The following PCDH9 variants were observed in gnomAD, a reference collection of about 807,000 sequenced individuals.
PCDH9 encodes the protein protocadherin 9.
A neutral mutation model predicts 70.6 loss-of-function variants in PCDH9; 24 were observed. The ratio of observed to expected loss-of-function variants is 0.34; its 90% confidence interval spans 0.25 to 0.48. The LOEUF is 0.48. Among genes scored for constraint, PCDH9 ranks in the 20% least tolerant of loss-of-function variants. PCDH9 has a pLI of 0.99. For missense variants in PCDH9, 1,281 were observed against 1,503.6 expected (o/e 0.85, Z 2.45); for synonymous variants, 562 against 558.5 (o/e 1.01, Z -0.09).
chr13:66,660,514 T>A (rs1208423049), intron 3 of PCDH9, among the ~76,000 whole-genome samples: 1 of 152,224 alleles, frequency 6.6e-6, no homozygotes, highest in Non-Finnish European at 1.5e-5. Flanking sequence ...ATGTTAATAA[T>A]CTTATTAAAA....
intron 2 of PCDH9, chr13:67,202,770 T>G (rs1225334856): frequency 1.3e-5 from 2 of 152,134 alleles, no homozygotes; most frequent in Non-Finnish European, 1.5e-5. Context: ...TCAGAGCTAT[T>G]CACATTCAAT....
chr13:67,229,127 C>A (rs1187373894), intron 1 of PCDH9, among the ~76,000 whole-genome samples: 1 of 151,886 alleles, frequency 6.6e-6, no homozygotes, highest in Non-Finnish European at 1.5e-5. Flanking sequence ...GCCGCTGCAG[C>A]GGCATCAGAA....
chr13:66,477,720 C>G (rs1423170049), intron 4 of PCDH9, among the ~76,000 whole-genome samples: 2 of 152,186 alleles, frequency 1.3e-5, no homozygotes, highest in East Asian at 3.9e-4. Flanking sequence ...TTATTGTTAT[C>G]AATATAAATC....
intron 4 of PCDH9, among the ~76,000 whole-genome samples, chr13:66,463,142 G>A (rs1958455049): frequency 6.6e-6 from 1 of 151,736 alleles, no homozygotes. Flanking sequence ...TACTTTGTAA[G>A]GAAGAGAACT....
intron 2 of PCDH9, among the ~76,000 whole-genome samples, chr13:67,128,202 A>C (rs2087026063): frequency 6.6e-6 from 1 of 152,196 alleles, no homozygotes; most frequent in Non-Finnish European, 1.5e-5. Flanking sequence ...GATCATCATC[A>C]TAAGGGCATG....
intron 3 of PCDH9, among the ~76,000 whole-genome samples, chr13:66,776,933 T>C (rs2079904785): frequency 6.9e-6 from 1 of 145,660 alleles, no homozygotes; most frequent in African/African-American, 2.5e-5. Context: ...AAAACAGAGA[T>C]AGAGATCAAT....
chr13:67,002,756 C>T (rs889258919), intron 2 of PCDH9, among the ~76,000 whole-genome samples: 2 of 151,992 alleles, frequency 1.3e-5, no homozygotes, highest in Non-Finnish European at 2.9e-5. Flanking sequence ...TCCAACTCTA[C>T]TTTTAATTAA....
intron 1 of PCDH9, 138 bp from the exon 2 acceptor site, chr13:67,228,713 G>A: frequency 3.1e-6 from 1 of 327,324 alleles, no homozygotes; most frequent in Non-Finnish European, 5.5e-6. Context: ...TTTACTCTGT[G>A]GAGAAAAACA....
chr13:67,089,236 T>C (rs1287672353), intron 2 of PCDH9, among the ~76,000 whole-genome samples: 2 of 152,048 alleles, frequency 1.3e-5, no homozygotes, highest in Non-Finnish European at 2.9e-5. Flanking sequence ...ACATTTTCAC[T>C]TTTATTATAT....
chr13:66,853,365 T>G (rs1323326133), intron 3 of PCDH9, among the ~76,000 whole-genome samples: 1 of 152,130 alleles, frequency 6.6e-6, no homozygotes, highest in Non-Finnish European at 1.5e-5. Flanking sequence ...TCTCAGTGTT[T>G]CCTTCTTTTC....
At chr13:66,978,705 TATA>T (rs1445586762) in intron 2 of PCDH9, among the ~76,000 whole-genome samples, 1 of 149,590 alleles carries the variant, frequency 6.7e-6, no homozygotes, top group Non-Finnish European at 1.5e-5. Context: ...TATATAATTG[TATA>T]ATATGTTGTT....
At chr13:67,029,189 C>G (rs1027121533) in intron 2 of PCDH9, among the ~76,000 whole-genome samples, 1 of 151,858 alleles carries the variant, frequency 6.6e-6, no homozygotes, top group Non-Finnish European at 1.5e-5. Flanking sequence ...TTTCTCATCA[C>G]AAAGAAAGAG....
chr13:66,898,171 T>C (rs2082214266), intron 3 of PCDH9, among the ~76,000 whole-genome samples: 1 of 152,108 alleles, frequency 6.6e-6, no homozygotes, highest in Non-Finnish European at 1.5e-5. Context: ...CTTATCATTT[T>C]TCTTAATTTA....
intron 2 of PCDH9, among the ~76,000 whole-genome samples, chr13:67,095,012 C>T (rs2086291949): frequency 6.6e-6 from 1 of 152,074 alleles, no homozygotes; most frequent in African/African-American, 2.4e-5. Flanking sequence ...AACTGTGAAA[C>T]ATTTGGCTCT....
rs1398056936 is a variant in PCDH9, at chr13:66,539,086, T to C, written c.3340+92124A>G. 7.9e-5 allele frequency among the ~76,000 whole-genome samples: 12 copies of C among 152,056 alleles called. 1 individual carries two copies. The highest frequency in any genetic ancestry group is 7.9e-4 in the Admixed American group (12 of 15,250). Reference sequence around the variant, plus strand: ...GTACAACAAAATATATGTACATATATATTTATATATTGCAATATTTACCTG... The same window carrying C: ...GTACAACAAAATATATGTACATATACATTTATATATTGCAATATTTACCTG... On this transcript the variant is annotated intron_variant, in intron 4 of 4. Transcript: ENST00000377865.
chr13:66,866,838 G>A (rs912604362), intron 3 of PCDH9, among the ~76,000 whole-genome samples: 1 of 152,090 alleles, frequency 6.6e-6, no homozygotes, highest in African/African-American at 2.4e-5. Context: ...TTGCTCACAT[G>A]TATGTGGATA....
chr13:67,117,698 A>C (rs993632066), intron 2 of PCDH9, among the ~76,000 whole-genome samples: 6 of 152,164 alleles, frequency 3.9e-5, no homozygotes, highest in Non-Finnish European at 7.4e-5. Context: ...ATCTGAGGTA[A>C]TAATATAAAT....
At chr13:66,784,161 C>T (rs2080043024) in intron 3 of PCDH9, among the ~76,000 whole-genome samples, 1 of 152,066 alleles carries the variant, frequency 6.6e-6, no homozygotes, top group Non-Finnish European at 1.5e-5. Flanking sequence ...ACAAATAGTA[C>T]TATAATGTTT....
intron 4 of PCDH9, among the ~76,000 whole-genome samples, chr13:66,520,233 A>G (rs1195065262): frequency 6.6e-6 from 1 of 152,182 alleles, no homozygotes. Flanking sequence ...GTCAGTGTCA[A>G]CAGACTTTCC....
Sources: allele counts gnomAD v4.1 joint callset (sites outside exome capture counted in the v4.1 genomes callset), GRCh38; gene constraint gnomAD v4.1.1; transcripts MANE v1.5; gene names NCBI Gene and HGNC (gene_info 2026-07-23, HGNC 2026-07-21).